The following PAM variants were observed in gnomAD, a reference collection of about 807,000 sequenced individuals.
The protein encoded by PAM is peptidylglycine alpha-amidating monooxygenase.
Under a neutral mutation model 122.1 loss-of-function variants are expected in PAM, and 72 were observed. That is an observed-to-expected ratio of 0.59 (90% CI 0.49 to 0.72). PAM has a LOEUF of 0.72. Among genes scored for constraint, PAM ranks in the 30% least tolerant of loss-of-function variants. The pLI is 0.00. For synonymous variants in PAM, 389 were observed against 404.4 expected (o/e 0.96, Z 0.46); for missense variants, 1,106 against 1,183.7 (o/e 0.93, Z 0.96).
chr5:102,850,445 C>T (rs1463545819), intron 1 of PAM, among the ~76,000 whole-genome samples: 1 of 152,126 alleles, frequency 6.6e-6, no homozygotes, highest in African/African-American at 2.4e-5. Context: ...ATTCTTTTTT[C>T]ATGTAAATAT....
intron 15 of PAM, chr5:102,987,577 G>A: frequency 2.2e-6 from 1 of 454,642 alleles, no homozygotes; most frequent in Non-Finnish European, 4.4e-6. Context: ...TCAAGGTGAT[G>A]TATATTCTAA....
chr5:102,960,544 T>C (rs1762144738), intron 13 of PAM, among the ~76,000 whole-genome samples: 1 of 152,008 alleles, frequency 6.6e-6, no homozygotes. Flanking sequence ...GTCTTGACTT[T>C]TTTTATCTAA....
rs112407725 is a variant in PAM at position 102,868,347 on chromosome 5, T to G, written c.210+954T>G. Reference sequence around the variant, plus strand: ...CCCTTTGCAATTGACATCCAGAAGCTTTAGAGAATACACATGGGCCTTTTT... The same window carrying G: ...CCCTTTGCAATTGACATCCAGAAGCGTTAGAGAATACACATGGGCCTTTTT... On this transcript the variant is annotated intron_variant, in intron 3 of 25. Coordinates refer to ENST00000438793, the MANE Select transcript of PAM (RefSeq NM_001177306.2). Among the ~76,000 whole-genome samples, 660 of 152,336 alleles carry G rather than the reference T, an allele frequency of 4.3e-3. 1 individual carries two copies. Among genetic ancestry groups the G allele is most frequent in the Non-Finnish European group, 6.7e-3 (453 of 68,028 alleles).
intron 1 of PAM, among the ~76,000 whole-genome samples, chr5:102,783,616 C>T (rs146340362): frequency 3.3e-5 from 5 of 152,140 alleles, no homozygotes; most frequent in Non-Finnish European, 7.4e-5. Flanking sequence ...ATTTTAGGAA[C>T]GAATATATAT....
chr5:102,833,398 T>TAG (rs1305143070), intron 1 of PAM, among the ~76,000 whole-genome samples: 6 of 152,230 alleles, frequency 3.9e-5, no homozygotes, highest in Non-Finnish European at 7.3e-5. Context: ...GGGGCTTTTT[T>TAG]GTAGAAACAA....
intron 12 of PAM, among the ~76,000 whole-genome samples, chr5:102,957,716 GACGAGGTTTCACCA>G (rs1761214123): frequency 6.6e-6 from 1 of 151,978 alleles, no homozygotes; most frequent in South Asian, 2.1e-4. Flanking sequence ...TTTTAGTAGA[GACGAGGTTTCACCA>G]TCTTGGCCAG....
chr5:102,868,278 AC>A (rs1386142272), intron 3 of PAM, among the ~76,000 whole-genome samples: 1 of 149,014 alleles, frequency 6.7e-6, no homozygotes, highest in African/African-American at 2.6e-5. Flanking sequence ...TATTTTCAGT[AC>A]TAGGAAAATA....
chr5:102,882,096 T>C lies in PAM; in HGVS notation c.210+14703T>C, dbSNP rs945058354. ...ATATATATATATATATATATATATA[T>C]ATATATATATATATACACCACATTT... is the stretch of plus-strand genomic sequence containing the variant. On this transcript the variant is annotated intron_variant, in intron 3 of 25. Coordinates refer to ENST00000438793, the MANE Select transcript of PAM (RefSeq NM_001177306.2). Among the ~76,000 whole-genome samples the C allele has an allele frequency of 5.8e-3, 614 of 105,620 alleles. 16 individuals carry two copies. Among genetic ancestry groups the C allele is most frequent in the Non-Finnish European group, 0.01 (536 of 53,212 alleles). The allele number at this position is 105,620 out of a possible 152,430, so 69.3% of individuals were successfully genotyped here. A position where few individuals can be genotyped will look rare whatever the true frequency, so the allele number is the denominator to read the frequency against.
At chr5:102,862,512 C>T (rs1246900685) in intron 1 of PAM, among the ~76,000 whole-genome samples, 1 of 152,136 alleles carries the variant, frequency 6.6e-6, no homozygotes, top group Non-Finnish European at 1.5e-5. Flanking sequence ...TGCATAAAAT[C>T]CCCTTACAAG....
chr5:102,877,944 C>T (rs1238454973), intron 3 of PAM, among the ~76,000 whole-genome samples: 1 of 151,874 alleles, frequency 6.6e-6, no homozygotes, highest in Non-Finnish European at 1.5e-5. Flanking sequence ...ACAGGAGGCT[C>T]TTGAGCCCAG....
chr5:102,937,237 G>T (rs1466240254), intron 7 of PAM, among the ~76,000 whole-genome samples: 1 of 152,020 alleles, frequency 6.6e-6, no homozygotes, highest in Non-Finnish European at 1.5e-5. Context: ...CTTCACACTT[G>T]ATTTAGATAT....
At chr5:102,883,455 A>G (rs945557429) in intron 3 of PAM, among the ~76,000 whole-genome samples, 7 of 151,684 alleles carry the variant, frequency 4.6e-5, no homozygotes, top group African/African-American at 1.7e-4. Flanking sequence ...ATTCCTAAGT[A>G]TTTTATTTTT....
chr5:102,846,059 G>A (rs113583650), intron 1 of PAM, among the ~76,000 whole-genome samples: 9 of 152,256 alleles, frequency 5.9e-5, no homozygotes, highest in Middle Eastern at 3.4e-3. Context: ...ATGGGGTGTT[G>A]AATTGTGCTG....
intron 1 of PAM, among the ~76,000 whole-genome samples, chr5:102,802,141 C>G (rs1258348725): frequency 6.6e-6 from 1 of 152,180 alleles, no homozygotes; most frequent in Admixed American, 6.5e-5. Flanking sequence ...TTATCTTAAA[C>G]TAGCTTCTTT....
In PAM at chr5:102,946,640, G is replaced by C. The variant is rs148485408; in HGVS notation, c.527-197G>C. On this transcript the variant is annotated intron_variant, in intron 7 of 25. Coordinates refer to ENST00000438793, the MANE Select transcript of PAM (RefSeq NM_001177306.2). ...ATAGACTGCATGAAATGATAGTTTT[G>C]TTTTTGCTGTTATGATACATTGGCA... Among the ~76,000 whole-genome samples, 11 of 150,318 alleles carry C rather than the reference G, an allele frequency of 7.3e-5. No homozygotes were observed. In the East Asian group the frequency reaches 2.1e-3, roughly 29 times the overall value.
At chr5:102,810,776 C>G (rs1383911606) in intron 1 of PAM, among the ~76,000 whole-genome samples, 1 of 151,888 alleles carries the variant, frequency 6.6e-6, no homozygotes, top group African/African-American at 2.4e-5. Flanking sequence ...TGTGGTGAGC[C>G]GAGATCGCGC....
chr5:102,829,356 C>T (rs1056733603), intron 1 of PAM, among the ~76,000 whole-genome samples: 6 of 149,202 alleles, frequency 4.0e-5, no homozygotes, highest in African/African-American at 1.5e-4. Flanking sequence ...AAGTGAGCAA[C>T]TGGGAGGTTT....
chr5:102,831,607 A>G (rs537514522), intron 1 of PAM, among the ~76,000 whole-genome samples: 1 of 152,236 alleles, frequency 6.6e-6, no homozygotes, highest in East Asian at 1.9e-4. Flanking sequence ...AATTGTTTGT[A>G]TCATGATGTT....
At chr5:102,861,777 G>T in intron 1 of PAM, among the ~76,000 whole-genome samples, 1 of 152,118 alleles carries the variant, frequency 6.6e-6, no homozygotes, top group East Asian at 1.9e-4. Flanking sequence ...ACTCTAAAAT[G>T]ATTACGGAAA....
Sources: allele counts gnomAD v4.1 joint callset (sites outside exome capture counted in the v4.1 genomes callset), GRCh38; gene constraint gnomAD v4.1.1; transcripts MANE v1.5; gene names NCBI Gene and HGNC (gene_info 2026-07-23, HGNC 2026-07-21).